Variants in CBFA2T3 observed in about 807,000 individuals in gnomAD.
CBFA2T3 encodes the protein CBFA2/RUNX1 partner transcriptional co-repressor 3, also known as transcriptional corepressor CBFA2T3.
In CBFA2T3, 31 loss-of-function variants were observed where a neutral mutation model predicts 58.6. The observed-to-expected ratio is 0.53, with a 90% CI of 0.40 to 0.71. The LOEUF (loss-of-function observed/expected upper bound fraction) is 0.71, where lower values mean the gene tolerates loss of function less well. CBFA2T3 is among the 30% of genes least tolerant of loss of function. The probability of loss-of-function intolerance (pLI) is 0.00; values close to 1 mark genes in which losing one functional copy is unlikely to be tolerated. For missense variants in CBFA2T3, 1,076 were observed against 963.1 expected, an observed-to-expected ratio of 1.12 and a Z score of -1.55; for synonymous variants, 531 against 421.9, an observed-to-expected ratio of 1.26 and a Z score of -3.17.
rs1359478813 is a variant in CBFA2T3, at chr16:88,886,137, G to A, written c.717C>T (p.Asn239=). Residue 239 remains asparagine (N), a synonymous_variant, in exon 6 of 12, where the codon AAC becomes AAT. Transcript: ENST00000268679. ...GGAGCTCCCGCTGCAGCAAGGGCAG[G>A]TTTGCCTGTGGGGTGGGGAAGGAGG... ...RPFVIPFLKA[N]LPLLQRELLH... 3 of 1,538,644 alleles carry A rather than the reference G, an allele frequency of 1.9e-6. No individual in the cohort carries two copies. The highest frequency in any genetic ancestry group is 2.3e-5 in the East Asian group (1 of 43,454).
intron 7 of CBFA2T3, chr16:88,884,819 C>T (rs973303402): frequency 1.7e-5 from 8 of 464,722 alleles, no homozygotes; most frequent in South Asian, 1.1e-4. Context: ...GTTCCAGGCC[C>T]GAGGCCGCCC....
At chr16:88,920,469 G>C (rs1970876355) in intron 1 of CBFA2T3, among the ~76,000 whole-genome samples, 1 of 146,626 alleles carries the variant, frequency 6.8e-6, no homozygotes, top group African/African-American at 2.5e-5. Context: ...TTTTTAAATA[G>C]AGACTGGGTT....
intron 1 of CBFA2T3, among the ~76,000 whole-genome samples, chr16:88,914,759 G>C (rs899971156): frequency 6.6e-6 from 1 of 152,226 alleles, no homozygotes; most frequent in Non-Finnish European, 1.5e-5. Flanking sequence ...GGAAAGGCTG[G>C]GGGAGAGTGG....
chr16:88,965,704 A>C (rs1359629457), intron 1 of CBFA2T3, among the ~76,000 whole-genome samples: 3 of 152,202 alleles, frequency 2.0e-5, no homozygotes, highest in African/African-American at 7.2e-5. Context: ...GTCATGTTTG[A>C]AAACCTCTCT....
At position 88,892,420 on chromosome 16, in the gene CBFA2T3, T is replaced by C; in HGVS notation, c.445A>G (p.Ser149Gly). The change falls in exon 4 of 12, where the codon AGC (serine) becomes GGC (glycine). Residue 149 changes from serine (S) to glycine (G), a missense_variant. Ser to Gly is a moderately conservative substitution (Grantham distance 56). Coordinates refer to ENST00000268679, the MANE Select transcript of CBFA2T3 (RefSeq NM_005187.6). ...GTGGACGAGGTGGCCGGGCCATTGC[T>C]GAAGCCGTTGGGTGTGCACGGTGCA... ...NGAPCTPNGFSNGPATSSTAS... is the reference protein window; with the variant it reads ...NGAPCTPNGFGNGPATSSTAS... 6.2e-7 allele frequency: 1 copy of C among 1,613,626 alleles called. No homozygotes were observed.
In CBFA2T3 at chr16:88,877,269, A is replaced by G; in HGVS notation, c.1669T>C (p.Trp557Arg). ...NQQEDSSESC[W>R]NCGRKASETC... Reference sequence around the variant, plus strand: ...TCACTGGCTTTCCGCCCGCAGTTCCAGCAGCTCTGGGTGGGGGCAGAGGGG... The same window carrying G: ...TCACTGGCTTTCCGCCCGCAGTTCCGGCAGCTCTGGGTGGGGGCAGAGGGG... The change falls in exon 12 of 12, where the codon TGG becomes CGG. Residue 557 changes from tryptophan (W) to arginine (R), a missense_variant. Physicochemically the swap from Trp to Arg is moderately radical, Grantham distance 101. Transcript: ENST00000268679. 6.5e-7 allele frequency: 1 copy of G among 1,547,696 alleles called. No individual in the cohort carries two copies. Among genetic ancestry groups the G allele is most frequent in the East Asian group, 2.4e-5 (1 of 40,902 alleles).
chr16:88,900,085 T>G (rs530214759), intron 2 of CBFA2T3, among the ~76,000 whole-genome samples: 18 of 152,348 alleles, frequency 1.2e-4, no homozygotes, highest in African/African-American at 4.3e-4. Flanking sequence ...AGCCAGGACC[T>G]GCACGCTGGG....
At chr16:88,908,605 C>T (rs183027530) in intron 1 of CBFA2T3, among the ~76,000 whole-genome samples, 24 of 152,310 alleles carry the variant, frequency 1.6e-4, no homozygotes, top group Non-Finnish European at 2.9e-4. Flanking sequence ...ACAGCCACAG[C>T]CCAGGGCTCC....
intron 1 of CBFA2T3, among the ~76,000 whole-genome samples, chr16:88,965,562 G>C (rs572733811): frequency 2.6e-5 from 4 of 152,382 alleles, no homozygotes; most frequent in African/African-American, 9.6e-5. Flanking sequence ...AGAGTTTGCA[G>C]AACAGGTGTG....
At chr16:88,896,269 C>A (rs1969883541) in intron 3 of CBFA2T3, among the ~76,000 whole-genome samples, 1 of 152,190 alleles carries the variant, frequency 6.6e-6, no homozygotes, top group African/African-American at 2.4e-5. Context: ...GGGCCGCGAA[C>A]CTCCACACGC....
chr16:88,907,059 G>A (rs995996483), intron 1 of CBFA2T3, among the ~76,000 whole-genome samples: 9 of 152,000 alleles, frequency 5.9e-5, no homozygotes, highest in Admixed American at 4.6e-4. Flanking sequence ...AAACCCCAAG[G>A]GGTTTTCTTT....
chr16:88,931,252 G>T (rs1971290002), intron 1 of CBFA2T3, among the ~76,000 whole-genome samples: 1 of 152,088 alleles, frequency 6.6e-6, no homozygotes, highest in Admixed American at 6.5e-5. Flanking sequence ...CGGAGGCACT[G>T]CTGTGACTCC....
At chr16:88,895,655 C>CCCAG (rs1291869150) in intron 3 of CBFA2T3, among the ~76,000 whole-genome samples, 1 of 152,182 alleles carries the variant, frequency 6.6e-6, no homozygotes, top group Non-Finnish European at 1.5e-5. Flanking sequence ...TCCCCCGGGG[C>CCCAG]CCAGCGCTCA....
intron 1 of CBFA2T3, among the ~76,000 whole-genome samples, chr16:88,914,313 G>C (rs943960407): frequency 6.6e-6 from 1 of 152,244 alleles, no homozygotes; most frequent in African/African-American, 2.4e-5. Context: ...CTTGGGGACA[G>C]GTCGGAAAAC....
Position 88,879,672 on chromosome 16 carries a change from T to C in CBFA2T3, c.1472-212A>G, listed in dbSNP as rs534781720. 12 of 545,708 alleles carry C rather than the reference T, an allele frequency of 2.2e-5. No homozygotes were observed. The Admixed American group carries it at 2.2e-4, about 10-fold the overall frequency. 33.8% of individuals were successfully genotyped at this position (545,708 alleles called of 1,614,324 possible). A position where few individuals can be genotyped will look rare whatever the true frequency, so the allele number is the denominator to read the frequency against. On this transcript the variant is annotated intron_variant, in intron 10 of 11. Coordinates refer to ENST00000268679, the MANE Select transcript of CBFA2T3 (RefSeq NM_005187.6). Reference sequence around the variant, plus strand: ...CACAGACACACGTTGATGGCCCTCATGCCTGTGCAGACAAGTGCATGCAAA... The same window carrying C: ...CACAGACACACGTTGATGGCCCTCACGCCTGTGCAGACAAGTGCATGCAAA...
intron 1 of CBFA2T3, among the ~76,000 whole-genome samples, chr16:88,907,812 C>T (rs1005501544): frequency 6.6e-6 from 1 of 152,284 alleles, no homozygotes. Context: ...GGGGCTTTGC[C>T]TGTCCTTCCC....
Position 88,976,887 on chromosome 16 carries a change from C to G in CBFA2T3, c.-80G>C. ...ACTGCCTTTCCCGACCTCCTGCAGC[C>G]TTGAGGGAAAGAGGAGGGGCTGGGC... On this transcript the variant is annotated 5_prime_UTR_variant, in exon 1 of 12. Transcript: ENST00000268679. The G allele has an allele frequency of 6.8e-7, 1 of 1,474,110 alleles. No individual in the cohort carries two copies. 91.3% of individuals were successfully genotyped at this position (1,474,110 alleles called of 1,614,324 possible).
intron 5 of CBFA2T3, 157 bp from the exon 6 acceptor site, chr16:88,886,299 C>T: frequency 2.1e-6 from 1 of 477,486 alleles, no homozygotes; most frequent in Non-Finnish European, 3.6e-6. Flanking sequence ...CAAGTTCCTT[C>T]CTAGCAGTGC....
chr16:88,960,432 G>C (rs1033309428), intron 1 of CBFA2T3, among the ~76,000 whole-genome samples: 1 of 152,246 alleles, frequency 6.6e-6, no homozygotes, highest in Non-Finnish European at 1.5e-5. Context: ...GCCCTCGGGA[G>C]TGTCACATTT....
Sources: allele counts gnomAD v4.1 joint callset (sites outside exome capture counted in the v4.1 genomes callset), GRCh38; gene constraint gnomAD v4.1.1; transcripts MANE v1.5; gene names NCBI Gene and HGNC (gene_info 2026-07-23, HGNC 2026-07-21).